Variants in AKAIN1 observed in about 807,000 individuals in gnomAD.
AKAIN1 encodes the protein A-kinase anchor protein inhibitor 1.
Under a neutral mutation model 3.7 loss-of-function variants are expected in AKAIN1, and 3 were observed. The observed-to-expected ratio is 0.82, with a 90% CI of 0.37 to 2.12. The LOEUF is 2.12. Among genes scored for constraint, AKAIN1 ranks in the 30% most tolerant of loss-of-function variants. The pLI, the probability that AKAIN1 is intolerant of heterozygous loss-of-function variation, is 0.06. For synonymous variants in AKAIN1, 31 were observed against 30.8 expected (o/e 1.01, Z -0.02); for missense variants, 82 against 82.7 (o/e 0.99, Z 0.03).
intron 1 of AKAIN1, among the ~76,000 whole-genome samples, chr18:5,177,642 C>T (rs2071233743): frequency 6.6e-6 from 1 of 152,082 alleles, no homozygotes; most frequent in Non-Finnish European, 1.5e-5. Flanking sequence ...TATTTTCAGA[C>T]TCATGCACTG....
At chr18:5,194,068 G>C (rs1275232331) in intron 1 of AKAIN1, among the ~76,000 whole-genome samples, 1 of 152,122 alleles carries the variant, frequency 6.6e-6, no homozygotes, top group Admixed American at 6.6e-5. Context: ...ATGTAGCCTA[G>C]CTTAGTTTAA....
intron 1 of AKAIN1, among the ~76,000 whole-genome samples, chr18:5,192,901 T>G (rs935960651): frequency 3.3e-5 from 5 of 152,154 alleles, no homozygotes; most frequent in Admixed American, 1.3e-4. Flanking sequence ...ATGTTGAAAC[T>G]CATATAACTC....
At chr18:5,153,391 G>A (rs1057222318) in intron 1 of AKAIN1, among the ~76,000 whole-genome samples, 2 of 152,160 alleles carry the variant, frequency 1.3e-5, no homozygotes, top group Non-Finnish European at 2.9e-5. Flanking sequence ...ATGAATACCA[G>A]TTACAAAGCT....
chr18:5,172,220 C>G (rs9956140), intron 1 of AKAIN1, among the ~76,000 whole-genome samples: 90,879 of 151,892 alleles, frequency 0.6, 27,808 homozygotes, highest in African/African-American at 0.73. Context: ...TGGGGATAAA[C>G]TGGAGATGGT....
intron 1 of AKAIN1, among the ~76,000 whole-genome samples, chr18:5,154,655 G>A (rs2071096950): frequency 6.6e-6 from 1 of 152,084 alleles, no homozygotes; most frequent in Admixed American, 6.5e-5. Flanking sequence ...TGGGATGGGA[G>A]GTGGGACACG....
At chr18:5,168,400 A>G (rs1197043918) in intron 1 of AKAIN1, among the ~76,000 whole-genome samples, 8 of 152,120 alleles carry the variant, frequency 5.3e-5, no homozygotes, top group African/African-American at 1.7e-4. Flanking sequence ...GTTGGATGTT[A>G]TTTCCACTGT....
intron 1 of AKAIN1, among the ~76,000 whole-genome samples, chr18:5,156,347 A>C (rs897363683): frequency 2.0e-5 from 3 of 152,204 alleles, no homozygotes; most frequent in Non-Finnish European, 4.4e-5. Flanking sequence ...GAAGGAATCA[A>C]ATTCCCAGAT....
chr18:5,159,907 T>C (rs1274385805), intron 1 of AKAIN1, among the ~76,000 whole-genome samples: 1 of 152,240 alleles, frequency 6.6e-6, no homozygotes, highest in Non-Finnish European at 1.5e-5. Context: ...TAATATTTTG[T>C]CACAAATTTA....
At chr18:5,185,771 G>A (rs549700582) in intron 1 of AKAIN1, among the ~76,000 whole-genome samples, 28 of 152,270 alleles carry the variant, frequency 1.8e-4, no homozygotes, top group African/African-American at 6.7e-4. Context: ...AGCCATTGTG[G>A]AAAGCAGTTT....
At chr18:5,196,324 A>G (rs1280228607) in intron 1 of AKAIN1, among the ~76,000 whole-genome samples, 1 of 152,224 alleles carries the variant, frequency 6.6e-6, no homozygotes, top group African/African-American at 2.4e-5. Flanking sequence ...GGGCGGACTC[A>G]AATGCGCACG....
At chr18:5,195,949 G>A (rs1022831445) in intron 1 of AKAIN1, among the ~76,000 whole-genome samples, 19 of 152,264 alleles carry the variant, frequency 1.2e-4, no homozygotes, top group South Asian at 1.2e-3. Flanking sequence ...TTCTGAGGGG[G>A]AGGGGGAGGG....
intron 1 of AKAIN1, among the ~76,000 whole-genome samples, chr18:5,183,101 G>C (rs1329655094): frequency 6.6e-6 from 1 of 151,896 alleles, no homozygotes; most frequent in Non-Finnish European, 1.5e-5. Flanking sequence ...ACTAAAATAG[G>C]TCAGGCATTT....
intron 1 of AKAIN1, among the ~76,000 whole-genome samples, chr18:5,157,550 C>T (rs1207080406): frequency 2.6e-5 from 4 of 152,248 alleles, no homozygotes; most frequent in East Asian, 1.9e-4. Context: ...TGCAGCCTCA[C>T]GCCCTCACCC....
At chr18:5,159,936 T>C (rs1399281680) in intron 1 of AKAIN1, among the ~76,000 whole-genome samples, 2 of 152,234 alleles carry the variant, frequency 1.3e-5, no homozygotes, top group Non-Finnish European at 1.5e-5. Context: ...TCTGTATCTT[T>C]GGTTTGATCA....
chr18:5,152,285 A>C (rs866848411), intron 1 of AKAIN1, among the ~76,000 whole-genome samples: 2 of 152,222 alleles, frequency 1.3e-5, no homozygotes, highest in African/African-American at 2.4e-5. Flanking sequence ...GGATCACTTA[A>C]CAGGTTTTTC....
chr18:5,161,165 T>G (rs914143976), intron 1 of AKAIN1, among the ~76,000 whole-genome samples: 6 of 152,122 alleles, frequency 3.9e-5, no homozygotes, highest in Admixed American at 3.9e-4. Flanking sequence ...GATCTTTCCA[T>G]ATTTTGTTCT....
chr18:5,182,501 A>G (rs1045102604), intron 1 of AKAIN1, among the ~76,000 whole-genome samples: 1 of 152,108 alleles, frequency 6.6e-6, no homozygotes, highest in African/African-American at 2.4e-5. Context: ...ATGCCACTAA[A>G]TGTGAAAGTG....
Position 5,182,529 on chromosome 18 carries a change from G to A in AKAIN1, c.16+14509C>T, listed in dbSNP as rs183896036. 8.5e-5 allele frequency among the ~76,000 whole-genome samples: 13 copies of A among 152,150 alleles called. No individual in the cohort carries two copies. In the East Asian group the frequency reaches 2.3e-3, roughly 27 times the overall value. On this transcript the variant is annotated intron_variant, in intron 1 of 1. Transcript: ENST00000434239. ...TGAAAGTGACAGAAATTAGTTGTTT[G>A]AACCCTGACCTATGTGTCCCCAAAC...
intron 1 of AKAIN1, 62 bp from the exon 2 acceptor site, chr18:5,145,817 G>T: frequency 1.4e-6 from 2 of 1,394,288 alleles, no homozygotes; most frequent in Non-Finnish European, 9.9e-7. Flanking sequence ...ATGTGAGAGG[G>T]AAAGGTAGAG....
Sources: gnomAD v4.1 joint callset for allele counts (sites outside exome capture counted in the v4.1 genomes callset) on GRCh38, gnomAD v4.1.1 for gene constraint, MANE v1.5 for transcripts, NCBI Gene and HGNC (gene_info 2026-07-23, HGNC 2026-07-21) for gene names.